Variants in HEMK2 observed in about 807,000 individuals in gnomAD.
The protein encoded by HEMK2 is HemK methyltransferase 2, ETF1 glutamine and histone H4 lysine, also known as methyltransferase HEMK2.
chr21:28,596,789 CATTATATATTACTGGGA>C, the HEMK2 span, among the ~76,000 whole-genome samples: 1 of 151,956 alleles, frequency 6.6e-6, no homozygotes, highest in African/African-American at 2.4e-5. Flanking sequence ...TTCAAGAAAT[CATTATATATTACTGGGA>C]ATTTTAAAAG....
At chr21:28,623,074 CA>C in the HEMK2 span, among the ~76,000 whole-genome samples, 1 of 151,930 alleles carries the variant, frequency 6.6e-6, no homozygotes, top group Non-Finnish European at 1.5e-5. Context: ...AACATTTGTG[CA>C]ATCTATCCAT....
At chr21:28,709,847 G>A in the HEMK2 span, among the ~76,000 whole-genome samples, 2 of 152,184 alleles carry the variant, frequency 1.3e-5, no homozygotes, top group African/African-American at 4.8e-5. Flanking sequence ...GAATATGCAT[G>A]GAGGATGGGA....
chr21:28,669,989 AGT>A, the HEMK2 span, among the ~76,000 whole-genome samples: 10 of 152,288 alleles, frequency 6.6e-5, no homozygotes, highest in African/African-American at 1.9e-4. Flanking sequence ...CTGAATTCAC[AGT>A]GTGTCATTTA....
the HEMK2 span, among the ~76,000 whole-genome samples, chr21:28,632,622 G>A: frequency 6.6e-6 from 1 of 152,158 alleles, no homozygotes. Context: ...ACATTACCAA[G>A]TCTGTTTCTC....
the HEMK2 span, among the ~76,000 whole-genome samples, chr21:28,599,323 G>A: frequency 6.6e-6 from 1 of 152,272 alleles, no homozygotes; most frequent in East Asian, 1.9e-4. Context: ...TGGCTGGGGA[G>A]GCCTCACAAT....
At chr21:28,608,670 A>G in the HEMK2 span, among the ~76,000 whole-genome samples, 1 of 152,176 alleles carries the variant, frequency 6.6e-6, no homozygotes, top group Non-Finnish European at 1.5e-5. Flanking sequence ...GTTCTCAGCC[A>G]TGCTCGCCGG....
the HEMK2 span, among the ~76,000 whole-genome samples, chr21:28,729,074 C>T: frequency 6.6e-6 from 1 of 152,200 alleles, no homozygotes; most frequent in Non-Finnish European, 1.5e-5. Flanking sequence ...GCAAAGGGCA[C>T]CCAAATACTT....
the HEMK2 span, among the ~76,000 whole-genome samples, chr21:28,575,736 T>C: frequency 6.6e-6 from 1 of 152,226 alleles, no homozygotes; most frequent in African/African-American, 2.4e-5. Flanking sequence ...GACATTTCCA[T>C]CAACGTAGAG....
At chr21:28,831,576 AAAG>A in the HEMK2 span, among the ~76,000 whole-genome samples, 3 of 67,102 alleles carry the variant, frequency 4.5e-5, 1 homozygote, top group African/African-American at 2.8e-4. Context: ...GGAAAGAAAG[AAAG>A]AAGGAAAGAA....
the HEMK2 span, among the ~76,000 whole-genome samples, chr21:28,624,224 T>C: frequency 6.6e-6 from 1 of 152,062 alleles, no homozygotes; most frequent in Non-Finnish European, 1.5e-5. Context: ...AGAGAAAAAA[T>C]TACATTCAGA....
At chr21:28,677,309 C>G in the HEMK2 span, among the ~76,000 whole-genome samples, 1 of 152,226 alleles carries the variant, frequency 6.6e-6, no homozygotes, top group Non-Finnish European at 1.5e-5. Flanking sequence ...GTTAGCACAG[C>G]ACTCTGAGAT....
At chr21:28,601,044 T>C in the HEMK2 span, among the ~76,000 whole-genome samples, 4 of 152,194 alleles carry the variant, frequency 2.6e-5, no homozygotes, top group African/African-American at 9.7e-5. Flanking sequence ...AAATATTCAA[T>C]CTTCTAACAT....
chr21:28,664,545 T>C, the HEMK2 span, among the ~76,000 whole-genome samples: 1 of 152,170 alleles, frequency 6.6e-6, no homozygotes. Flanking sequence ...TCTTATAAAA[T>C]AGGGATAGTG....
the HEMK2 span, among the ~76,000 whole-genome samples, chr21:28,646,075 T>G: frequency 2.0e-5 from 3 of 152,162 alleles, no homozygotes; most frequent in Non-Finnish European, 2.9e-5. Flanking sequence ...TAATTATGAA[T>G]CAAAAGAAGG....
the HEMK2 span, among the ~76,000 whole-genome samples, chr21:28,798,086 C>G: frequency 6.6e-6 from 1 of 152,118 alleles, no homozygotes. Context: ...GGCAAGTGAC[C>G]CTGTGTTATC....
chr21:28,842,786 T>A, the HEMK2 span, among the ~76,000 whole-genome samples: 1 of 152,284 alleles, frequency 6.6e-6, no homozygotes, highest in African/African-American at 2.4e-5. Flanking sequence ...AGGTAGAATA[T>A]CCCAGTAAGC....
At chr21:28,773,180 T>A in the HEMK2 span, among the ~76,000 whole-genome samples, 1 of 152,150 alleles carries the variant, frequency 6.6e-6, no homozygotes, top group Non-Finnish European at 1.5e-5. Flanking sequence ...GATGCAAATA[T>A]AGTCTCAGAT....
chr21:28,800,061 A>T, the HEMK2 span, among the ~76,000 whole-genome samples: 1 of 152,196 alleles, frequency 6.6e-6, no homozygotes, highest in East Asian at 1.9e-4. Flanking sequence ...GTGATGCTGC[A>T]GTTTATGTGC....
chr21:28,590,641 G>A, the HEMK2 span, among the ~76,000 whole-genome samples: 2 of 152,126 alleles, frequency 1.3e-5, no homozygotes, highest in Admixed American at 6.5e-5. Flanking sequence ...AAAGATTTGT[G>A]GTGATAAAGC....
Sources: allele counts gnomAD v4.1 joint callset (sites outside exome capture counted in the v4.1 genomes callset), GRCh38; gene constraint gnomAD v4.1.1; transcripts MANE v1.5; gene names NCBI Gene and HGNC (gene_info 2026-07-23, HGNC 2026-07-21).